TRAPPC9: variants seen among roughly 807,000 people sequenced by gnomAD.
The protein encoded by TRAPPC9 is trafficking protein particle complex subunit 9.
A neutral mutation model predicts 124.0 loss-of-function variants in TRAPPC9; 83 were observed. The observed-to-expected ratio is 0.67, with a 90% CI of 0.56 to 0.80. The LOEUF is 0.80. Ranked by LOEUF, TRAPPC9 falls within the 30% of genes least tolerant of loss-of-function variation. TRAPPC9 has a pLI of 0.00. For missense variants in TRAPPC9, 1,302 were observed against 1,508.3 expected (o/e 0.86, Z 2.27); for synonymous variants, 638 against 617.5 (o/e 1.03, Z -0.49).
intron 17 of TRAPPC9, among the ~76,000 whole-genome samples, chr8:140,032,439 T>C (rs1840556409): frequency 6.6e-6 from 1 of 151,362 alleles, no homozygotes; most frequent in Non-Finnish European, 1.5e-5. Context: ...AGCACCACCT[T>C]GCAATAAATA....
At chr8:140,361,764 A>G (rs1210023995) in intron 8 of TRAPPC9, among the ~76,000 whole-genome samples, 1 of 152,124 alleles carries the variant, frequency 6.6e-6, no homozygotes, top group East Asian at 1.9e-4. Context: ...CCATTCAGGT[A>G]TGACTTCCTG....
chr8:140,036,223 TAA>T (rs10707510), intron 17 of TRAPPC9, among the ~76,000 whole-genome samples: 132 of 145,568 alleles, frequency 9.1e-4, no homozygotes, highest in Middle Eastern at 7.1e-3. Flanking sequence ...ACGACTTCTT[TAA>T]AAAAAAAAAA....
chr8:140,117,509 A>C (rs2060910984), intron 17 of TRAPPC9, among the ~76,000 whole-genome samples: 1 of 152,260 alleles, frequency 6.6e-6, no homozygotes, highest in South Asian at 2.1e-4. Flanking sequence ...TGACAGTAAG[A>C]CAGAAGGGCC....
intron 1 of TRAPPC9, among the ~76,000 whole-genome samples, chr8:140,454,924 A>G (rs988834233): frequency 1.3e-5 from 2 of 150,712 alleles, no homozygotes; most frequent in Non-Finnish European, 1.5e-5. Flanking sequence ...TGGGTGACAA[A>G]GTAAGACTCT....
intron 11 of TRAPPC9, among the ~76,000 whole-genome samples, chr8:140,294,308 A>G (rs996883564): frequency 6.6e-6 from 1 of 151,960 alleles, no homozygotes; most frequent in Non-Finnish European, 1.5e-5. Flanking sequence ...CCAGAGCACA[A>G]CATGCTCCCA....
chr8:140,409,602 T>C (rs971253490), intron 5 of TRAPPC9, among the ~76,000 whole-genome samples: 1 of 152,170 alleles, frequency 6.6e-6, no homozygotes, highest in African/African-American at 2.4e-5. Context: ...ACCTGCACAC[T>C]TAGTGTGCCA....
chr8:140,384,816 G>C (rs555522489), intron 7 of TRAPPC9, among the ~76,000 whole-genome samples: 2 of 152,268 alleles, frequency 1.3e-5, no homozygotes, highest in Admixed American at 1.3e-4. Flanking sequence ...GCACCAAGCA[G>C]ACCTAATAGA....
intron 21 of TRAPPC9, among the ~76,000 whole-genome samples, chr8:139,849,160 T>C (rs1168726006): frequency 1.3e-5 from 2 of 152,198 alleles, no homozygotes; most frequent in Non-Finnish European, 2.9e-5. Flanking sequence ...AGCCTTCGTC[T>C]AGGATACCTG....
rs563833997 is a variant in TRAPPC9 at position 140,343,626 on chromosome 8, C to G, written c.1495+16424G>C. On this transcript the variant is annotated intron_variant, in intron 9 of 22. Transcript: ENST00000438773. ...CTGGTTTTCAGAAACAGACAAAGAC[C>G]CACAGAAGCCCTTAGTTAAAAATAC... 2.6e-5 allele frequency among the ~76,000 whole-genome samples: 4 copies of G among 152,208 alleles called. No individual in the cohort carries two copies. In the East Asian group the frequency reaches 7.7e-4, roughly 29 times the overall value.
chr8:140,199,031 T>TG (rs2062726779), intron 17 of TRAPPC9, among the ~76,000 whole-genome samples: 1 of 152,074 alleles, frequency 6.6e-6, no homozygotes, highest in Non-Finnish European at 1.5e-5. Context: ...GCGGGACTCC[T>TG]GGGGGGAGCA....
At chr8:139,952,867 C>T (rs1032177412) in intron 19 of TRAPPC9, among the ~76,000 whole-genome samples, 2 of 152,222 alleles carry the variant, frequency 1.3e-5, no homozygotes, top group African/African-American at 4.8e-5. Context: ...CCCAAACCAG[C>T]ACATTCTATT....
At chr8:140,253,757 C>T (rs1020754905) in intron 15 of TRAPPC9, among the ~76,000 whole-genome samples, 4 of 152,086 alleles carry the variant, frequency 2.6e-5, no homozygotes, top group African/African-American at 9.7e-5. Flanking sequence ...GTTTCCCTTG[C>T]TTTCTGGCAA....
chr8:139,855,025 G>A (rs1827715309), intron 21 of TRAPPC9, among the ~76,000 whole-genome samples: 1 of 152,160 alleles, frequency 6.6e-6, no homozygotes, highest in African/African-American at 2.4e-5. Context: ...ACGGTCTCCT[G>A]AGGCAGATGC....
intron 21 of TRAPPC9, among the ~76,000 whole-genome samples, chr8:139,756,219 C>G (rs1819760356): frequency 8.4e-6 from 1 of 118,378 alleles, no homozygotes; most frequent in African/African-American, 3.7e-5. Flanking sequence ...GACAGCAGGT[C>G]ACAGGAGGAG....
intron 9 of TRAPPC9, among the ~76,000 whole-genome samples, chr8:140,324,557 G>A (rs146732244): frequency 6.6e-6 from 1 of 152,252 alleles, no homozygotes; most frequent in African/African-American, 2.4e-5. Flanking sequence ...GATTGCTTGA[G>A]CCCAGAAGTT....
intron 17 of TRAPPC9, among the ~76,000 whole-genome samples, chr8:140,168,181 A>G (rs1271811850): frequency 1.3e-5 from 2 of 152,192 alleles, no homozygotes; most frequent in African/African-American, 4.8e-5. Flanking sequence ...CAACTTTGTC[A>G]TTTTGTCATC....
intron 5 of TRAPPC9, 47 bp downstream of exon 5, chr8:140,426,568 G>T: frequency 6.4e-7 from 1 of 1,574,294 alleles, no homozygotes; most frequent in Non-Finnish European, 8.7e-7. Flanking sequence ...CATGAAACAA[G>T]CACTTAAAAA....
chr8:140,289,172 A>G, intron 12 of TRAPPC9, among the ~76,000 whole-genome samples: 2 of 122,160 alleles, frequency 1.6e-5, no homozygotes, highest in African/African-American at 6.7e-5. Flanking sequence ...AGATATATAT[A>G]TAGTGTGTGT....
intron 15 of TRAPPC9, among the ~76,000 whole-genome samples, chr8:140,269,571 A>C (rs2064812008): frequency 6.6e-6 from 1 of 151,422 alleles, no homozygotes; most frequent in East Asian, 1.9e-4. Context: ...TAAATAAATA[A>C]ATAAATAAAT....
Sources: gnomAD v4.1 joint callset for allele counts (sites outside exome capture counted in the v4.1 genomes callset) on GRCh38, gnomAD v4.1.1 for gene constraint, MANE v1.5 for transcripts, NCBI Gene and HGNC (gene_info 2026-07-23, HGNC 2026-07-21) for gene names.